Variants in PXN observed in about 807,000 individuals in gnomAD.
The protein encoded by PXN is paxillin.
PXN carries 61 observed loss-of-function variants against 103.6 expected under a neutral mutation model. That is an observed-to-expected ratio of 0.59 (90% CI 0.48 to 0.73). The LOEUF (loss-of-function observed/expected upper bound fraction) is 0.73. Ranked by LOEUF, PXN falls within the 30% of genes least tolerant of loss-of-function variation. The probability of loss-of-function intolerance (pLI) is 0.00; values close to 1 mark genes in which losing one functional copy is unlikely to be tolerated. For synonymous variants in PXN, 562 were observed against 607.8 expected, an observed-to-expected ratio of 0.92 and a Z score of 1.11; for missense variants, 1,274 against 1,460.3, an observed-to-expected ratio of 0.87 and a Z score of 2.08.
At chr12:120,248,083 C>G (rs1375735193) in intron 1 of PXN, among the ~76,000 whole-genome samples, 1 of 152,196 alleles carries the variant, frequency 6.6e-6, no homozygotes, top group Non-Finnish European at 1.5e-5. Flanking sequence ...GACTTTGACT[C>G]TCCAGTTGAG....
chr12:120,226,110 ACCAGTGT>A (rs1423067069), intron 1 of PXN: 1 of 1,124,906 alleles, frequency 8.9e-7, no homozygotes, highest in East Asian at 7.2e-5. Context: ...CAGAAAAGGA[ACCAGTGT>A]CCAGGCCAAT....
intron 1 of PXN, among the ~76,000 whole-genome samples, chr12:120,258,330 G>A (rs1456489734): frequency 4.6e-5 from 7 of 152,120 alleles, no homozygotes; most frequent in African/African-American, 1.4e-4. Flanking sequence ...TCATGAGGCT[G>A]CCTCCACACC....
intron 7 of PXN, among the ~76,000 whole-genome samples, chr12:120,218,358 TTTG>T (rs753301411): frequency 6.6e-5 from 10 of 151,754 alleles, no homozygotes; most frequent in Admixed American, 5.3e-4. Context: ...CATAAAGTTT[TTTG>T]TTGTTGTTGT....
rs142018841 is a variant in PXN, at chr12:120,243,111, C to CA, written c.14-18735dup. On this transcript the variant is annotated intron_variant, in intron 1 of 14. Coordinates refer to ENST00000637617, the MANE Select transcript of PXN (RefSeq NM_001385981.1). The stretch of plus-strand genomic sequence containing the variant: ...AATGAACTAAACACACATGCTTGCA[C>CA]ACACGTCCGCCCTCCAGGCCTCTGC... Among the ~76,000 whole-genome samples the CA allele has an allele frequency of 3.1e-3, 477 of 152,312 alleles. 1 individual carries two copies. Among genetic ancestry groups the CA allele is most frequent in the African/African-American group, 0.011 (460 of 41,570 alleles).
At position 120,215,177 on chromosome 12, in the gene PXN, C is replaced by A; in HGVS notation, c.2500G>T (p.Asp834Tyr). ...GTGGCGACCCCCAGCTTGTTCAGGT[C>A]AGACTGCAGGCTCCCCAGCATGCTG... is the stretch of plus-strand genomic sequence containing the variant. ...LDSMLGSLQS[D>Y]LNKLGVATVA... The change falls in exon 11 of 15, where the codon GAC becomes TAC. Residue 834 changes from aspartate (D) to tyrosine (Y), a missense_variant. By Grantham distance (160) the Asp-to-Tyr change is radical. Around this residue, in one of 2 missense-constraint regions of PXN, gnomAD observed 1,178 missense variants for 1,309.0 expected, o/e 0.90. Transcript: ENST00000637617. The surrounding 1 kb of genome is among the most constrained non-coding windows in gnomAD (Gnocchi z 4.9). 1 of 1,587,014 alleles carries A rather than the reference C, an allele frequency of 6.3e-7. No homozygotes were observed.
intron 1 of PXN, among the ~76,000 whole-genome samples, chr12:120,238,935 G>A (rs1048355893): frequency 5.3e-5 from 8 of 152,180 alleles, no homozygotes; most frequent in East Asian, 1.9e-4. Flanking sequence ...AAGAAATCCC[G>A]TGCTTCTGCC....
At chr12:120,252,612 T>C (rs1179803371) in intron 1 of PXN, among the ~76,000 whole-genome samples, 1 of 151,996 alleles carries the variant, frequency 6.6e-6, no homozygotes, top group Non-Finnish European at 1.5e-5. Flanking sequence ...CAACTGCATT[T>C]GTCATTAAAC....
chr12:120,230,628 C>G (rs369391874), intron 1 of PXN, among the ~76,000 whole-genome samples: 5 of 152,040 alleles, frequency 3.3e-5, no homozygotes, highest in Admixed American at 6.5e-5. Context: ...GGGTCTCCCC[C>G]CTCCCCCTGG....
chr12:120,244,834 TAAATA>T (rs1159805550), intron 1 of PXN, among the ~76,000 whole-genome samples: 2 of 149,846 alleles, frequency 1.3e-5, no homozygotes, highest in Admixed American at 6.6e-5. Flanking sequence ...AACAAATAAA[TAAATA>T]AAATAAAATA....
At chr12:120,255,411 GA>G (rs1452098356) in intron 1 of PXN, among the ~76,000 whole-genome samples, 1 of 152,020 alleles carries the variant, frequency 6.6e-6, no homozygotes, top group Non-Finnish European at 1.5e-5. Context: ...ATTTAAAAAG[GA>G]ACAGGCCGGG....
intron 7 of PXN, among the ~76,000 whole-genome samples, chr12:120,218,946 T>C (rs1884151880): frequency 1.3e-5 from 2 of 152,168 alleles, no homozygotes; most frequent in African/African-American, 4.8e-5. Flanking sequence ...GCTAACCATT[T>C]CACCACATCA....
intron 1 of PXN, among the ~76,000 whole-genome samples, chr12:120,259,375 G>A (rs916643029): frequency 1.3e-5 from 2 of 152,108 alleles, no homozygotes; most frequent in Non-Finnish European, 2.9e-5. Context: ...CTGGGTGACA[G>A]GGCAAGACTC....
Position 120,216,234 on chromosome 12 carries a change from G to T in PXN, c.2301+39C>A. 1 of 1,274,950 alleles carries T rather than the reference G, an allele frequency of 7.8e-7. No individual in the cohort carries two copies. Among genetic ancestry groups the T allele is most frequent in the South Asian group, 3.1e-5 (1 of 31,828 alleles). 79.0% of individuals were successfully genotyped at this position (1,274,950 alleles called of 1,614,324 possible). A position where few individuals can be genotyped will look rare whatever the true frequency, so the allele number is the denominator to read the frequency against. ...GAGTGGGGGATGGCTCAGGCATTAGGACAGGGGACAGAAAGGGAGGGGCTC... is the reference window on the plus strand; with the variant it reads ...GAGTGGGGGATGGCTCAGGCATTAGTACAGGGGACAGAAAGGGAGGGGCTC... On this transcript the variant is annotated intron_variant, in intron 9 of 14. Coordinates refer to ENST00000637617, the MANE Select transcript of PXN (RefSeq NM_001385981.1). This position sits in a 1 kb window ranked among gnomAD's most constrained non-coding sequence, Gnocchi z 5.1.
At position 120,223,091 on chromosome 12, in the gene PXN, G is replaced by A. The variant is rs532646472; in HGVS notation, c.357-92C>T. 8.3e-5 allele frequency: 132 copies of A among 1,593,050 alleles called. No individual in the cohort carries two copies. The African/African-American group carries it at 1.6e-3, about 19-fold the overall frequency. On this transcript the variant is annotated intron_variant, in intron 3 of 14. Coordinates refer to ENST00000637617, the MANE Select transcript of PXN (RefSeq NM_001385981.1). ...CCAGATTCCCAAGGAGAACAAGGCA[G>A]AGGAGATGCGAAGTCTTCCCCCGCA...
chr12:120,254,888 A>C (rs1289028897), intron 1 of PXN, among the ~76,000 whole-genome samples: 1 of 152,168 alleles, frequency 6.6e-6, no homozygotes, highest in Non-Finnish European at 1.5e-5. Flanking sequence ...GCACATGAAA[A>C]TATTTCCTCA....
Position 120,260,203 on chromosome 12 carries a change from G to A in PXN, c.13+5414C>T, listed in dbSNP as rs1238391157. 2.6e-5 allele frequency among the ~76,000 whole-genome samples: 4 copies of A among 152,298 alleles called. No homozygotes were observed. The East Asian group carries it at 7.7e-4, about 29-fold the overall frequency. ...CAGGACCCTGCATCCCATCCTGAGT[G>A]TGTGTCCCCAAGAAAGAACAAAAAG... is the stretch of plus-strand genomic sequence containing the variant. On this transcript the variant is annotated intron_variant, in intron 1 of 14. Coordinates refer to ENST00000637617, the MANE Select transcript of PXN (RefSeq NM_001385981.1).
chr12:120,214,909 C>T lies in PXN; in HGVS notation c.2664G>A (p.Glu888=). The T allele has an allele frequency of 6.2e-7, 1 of 1,614,046 alleles. No individual in the cohort carries two copies. The highest frequency in any genetic ancestry group is 8.5e-7 in the Non-Finnish European group (1 of 1,179,888). ...TTTCACAGTAGGGCTGTCCATCCCG[C>T]TCGAAGAAGTTCCGGGATCCGATCT... The part of the protein sequence containing the change: ...QEEIGSRNFF[E]RDGQPYCEKD... The change falls in exon 12 of 15, where the codon GAG becomes GAA. Residue 888 remains glutamate, a synonymous_variant. Coordinates refer to ENST00000637617, the MANE Select transcript of PXN (RefSeq NM_001385981.1). This position sits in a 1 kb window ranked among gnomAD's most constrained non-coding sequence, Gnocchi z 5.0.
rs1362817707 is a variant in PXN at position 120,257,064 on chromosome 12, G to C, written c.13+8553C>G. On this transcript the variant is annotated intron_variant, in intron 1 of 14. Transcript: ENST00000637617. ...TTTAGAAGAGGCCAAAGTCTCCAAG[G>C]CTCATTCAAAACAATACACACAGAC... 7.9e-5 allele frequency among the ~76,000 whole-genome samples: 12 copies of C among 152,048 alleles called. No individual in the cohort carries two copies. In the East Asian group the frequency reaches 1.7e-3, roughly 22 times the overall value.
At position 120,220,026 on chromosome 12, in the gene PXN, G is replaced by T. The variant is rs760377636; in HGVS notation, c.897C>A (p.Cys299Ter). Reference sequence around the variant, plus strand: ...TGGGAGGAGGAGAAGGAGGAAGGGAGCAGTATGAGGACGGAGCAGAGCTGG... The same window carrying T: ...TGGGAGGAGGAGAAGGAGGAAGGGATCAGTATGAGGACGGAGCAGAGCTGG... ...GLSSSAPSSY[C>*]SLPPSPPPMP... The change falls in exon 7 of 15, where the codon TGC (cysteine) becomes TGA (stop). Residue 299 changes from cysteine (C) to a stop codon, truncating the protein, a stop_gained. Transcript: ENST00000637617. LOFTEE classifies it high-confidence loss of function. The surrounding 1 kb of genome is among the most constrained non-coding windows in gnomAD (Gnocchi z 6.1). 1 of 1,528,044 alleles carries T rather than the reference G, an allele frequency of 6.5e-7. No homozygotes were observed. The highest frequency in any genetic ancestry group is 2.2e-5 in the East Asian group (1 of 44,446). The allele number at this position is 1,528,044 out of a possible 1,614,324, so 94.7% of individuals were successfully genotyped here. A position where few individuals can be genotyped will look rare whatever the true frequency, so the allele number is the denominator to read the frequency against.
Sources: gnomAD v4.1 joint callset for allele counts (sites outside exome capture counted in the v4.1 genomes callset) on GRCh38, gnomAD v4.1.1 for gene constraint, gnomAD v4.1.1 regional missense constraint, Gnocchi (gnomAD v3.1) non-coding constraint, MANE v1.5 for transcripts, NCBI Gene and HGNC (gene_info 2026-07-23, HGNC 2026-07-21) for gene names.